The following GRIN3A variants were observed in gnomAD, a reference collection of about 807,000 sequenced individuals.
GRIN3A encodes glutamate ionotropic receptor NMDA type subunit 3A.
In GRIN3A, 47 loss-of-function variants were observed where a neutral mutation model predicts 92.4. The observed-to-expected ratio is 0.51, with a 90% confidence interval of 0.40 to 0.65. GRIN3A has a LOEUF of 0.65. GRIN3A is among the 30% of genes least tolerant of loss of function. The pLI, the probability that GRIN3A is intolerant of heterozygous loss-of-function variation, is 0.00. For missense variants in GRIN3A, 1,324 were observed against 1,393.1 expected (o/e 0.95, Z 0.79); for synonymous variants, 527 against 540.6 (o/e 0.97, Z 0.35).
intron 8 of GRIN3A, among the ~76,000 whole-genome samples, chr9:101,575,632 AATTTCTCCAAGC>A (rs1827815927): frequency 6.6e-6 from 1 of 152,218 alleles, no homozygotes; most frequent in Non-Finnish European, 1.5e-5. Flanking sequence ...CATGGCCCAA[AATTTCTCCAAGC>A]ATTTCCTCAA....
At chr9:101,583,003 T>G (rs950030356) in intron 6 of GRIN3A, among the ~76,000 whole-genome samples, 1 of 152,244 alleles carries the variant, frequency 6.6e-6, no homozygotes, top group Non-Finnish European at 1.5e-5. Flanking sequence ...AGTTATTGTT[T>G]TTAAATTTGG....
At chr9:101,575,462 A>C (rs7859863) in intron 8 of GRIN3A, among the ~76,000 whole-genome samples, 1 of 152,124 alleles carries the variant, frequency 6.6e-6, no homozygotes, top group Non-Finnish European at 1.5e-5. Context: ...AACAGGGGTG[A>C]CATGTATTGA....
chr9:101,610,085 T>G (rs185310401), intron 6 of GRIN3A, among the ~76,000 whole-genome samples: 14 of 152,376 alleles, frequency 9.2e-5, no homozygotes, highest in African/African-American at 3.4e-4. Flanking sequence ...ACCAAGTGAT[T>G]GTTATTTGGC....
At chr9:101,584,881 C>T (rs1383739669) in intron 6 of GRIN3A, among the ~76,000 whole-genome samples, 1 of 152,190 alleles carries the variant, frequency 6.6e-6, no homozygotes, top group African/African-American at 2.4e-5. Flanking sequence ...TCTCAAGTCT[C>T]CAGCAAGAAA....
At chr9:101,703,794 C>T (rs1394801495) in intron 1 of GRIN3A, among the ~76,000 whole-genome samples, 1 of 152,110 alleles carries the variant, frequency 6.6e-6, no homozygotes, top group Non-Finnish European at 1.5e-5. Flanking sequence ...ATTATCGTTA[C>T]TCTGGGGTTT....
chr9:101,625,922 T>C (rs1828629058), intron 4 of GRIN3A, among the ~76,000 whole-genome samples: 1 of 152,236 alleles, frequency 6.6e-6, no homozygotes, highest in African/African-American at 2.4e-5. Flanking sequence ...TTAAAACCAG[T>C]AATTCATGAA....
At chr9:101,622,321 C>G (rs1215841023) in intron 5 of GRIN3A, among the ~76,000 whole-genome samples, 1 of 152,202 alleles carries the variant, frequency 6.6e-6, no homozygotes, top group Non-Finnish European at 1.5e-5. Context: ...TTGGGCACCC[C>G]CACGGGATTG....
At chr9:101,682,553 G>T (rs1021651907) in intron 2 of GRIN3A, among the ~76,000 whole-genome samples, 10 of 152,170 alleles carry the variant, frequency 6.6e-5, no homozygotes, top group African/African-American at 2.2e-4. Flanking sequence ...CAGAATTCAA[G>T]TCTTCATTTT....
intron 2 of GRIN3A, among the ~76,000 whole-genome samples, chr9:101,675,667 G>GT (rs34531662): frequency 0.25 from 36,330 of 147,494 alleles, 4,627 homozygotes; most frequent in East Asian, 0.55. Flanking sequence ...CATAGGAGGG[G>GT]TTTTTTTTTT....
intron 1 of GRIN3A, among the ~76,000 whole-genome samples, chr9:101,736,987 G>C (rs1381337279): frequency 1.3e-5 from 2 of 151,946 alleles, no homozygotes; most frequent in Admixed American, 1.3e-4. Flanking sequence ...GCATCTACTA[G>C]ATTTCTCCCA....
chr9:101,636,239 C>T (rs935322510), intron 3 of GRIN3A, among the ~76,000 whole-genome samples: 3 of 152,294 alleles, frequency 2.0e-5, no homozygotes, highest in East Asian at 3.9e-4. Context: ...ATTCCACATC[C>T]TTTTCGTCCA....
chr9:101,593,416 C>T (rs1200142908), intron 6 of GRIN3A: 1 of 152,200 alleles, frequency 6.6e-6, no homozygotes, highest in East Asian at 1.9e-4. Flanking sequence ...CTAGCATCCA[C>T]CTCTGCTGTG....
chr9:101,730,494 A>C (rs143966395), intron 1 of GRIN3A, among the ~76,000 whole-genome samples: 5 of 152,256 alleles, frequency 3.3e-5, no homozygotes, highest in Admixed American at 3.3e-4. Flanking sequence ...TGACTTAATA[A>C]ATTGAAACAT....
chr9:101,580,245 C>T (rs1827871389), intron 6 of GRIN3A, among the ~76,000 whole-genome samples: 1 of 152,166 alleles, frequency 6.6e-6, no homozygotes, highest in Non-Finnish European at 1.5e-5. Flanking sequence ...TCCCATTCTG[C>T]AGGATGGCTG....
In GRIN3A at chr9:101,643,675, T is replaced by A. The variant is rs946683127; in HGVS notation, c.2353-15274A>T. ...AAATGTCTCTCTCTCTCTCTCTCTC[T>A]CTCTCTCTCACACACACACACCCAC... is the stretch of plus-strand genomic sequence containing the variant. On this transcript the variant is annotated intron_variant, in intron 3 of 8. Transcript: ENST00000361820. Among the ~76,000 whole-genome samples, 172 of 107,564 alleles carry A rather than the reference T, an allele frequency of 1.6e-3. 1 individual carries two copies. The highest frequency in any genetic ancestry group is 2.7e-3 in the African/African-American group (70 of 25,458). 70.6% of individuals were successfully genotyped at this position (107,564 alleles called of 152,430 possible).
At chr9:101,607,549 C>T (rs145679752) in intron 6 of GRIN3A, among the ~76,000 whole-genome samples, 14 of 152,210 alleles carry the variant, frequency 9.2e-5, no homozygotes, top group Admixed American at 2.0e-4. Flanking sequence ...CACTCCACCC[C>T]GTGAGCAGGG....
rs746990841 is a variant in GRIN3A, at chr9:101,577,822, G to A, written c.2954C>T (p.Thr985Ile). 2.5e-6 allele frequency: 4 copies of A among 1,611,702 alleles called. No homozygotes were observed. The highest frequency in any genetic ancestry group is 3.4e-6 in the Non-Finnish European group (4 of 1,178,634). The change falls in exon 8 of 9, where the codon ACA becomes ATA. Residue 985 changes from threonine (T) to isoleucine (I), a missense_variant. Transcript: ENST00000361820. Reference sequence around the variant, plus strand: ...CTGCTGCTTTTCCTCTATAAATGATGTATTTATTGCTCTGTGTAATCTCTG... The same window carrying A: ...CTGCTGCTTTTCCTCTATAAATGATATATTTATTGCTCTGTGTAATCTCTG... Reference protein sequence around the residue: ...TSQRLHRAINTSFIEEKQQHF... With the variant: ...TSQRLHRAINISFIEEKQQHF...
At chr9:101,695,408 G>T (rs1204496755) in intron 1 of GRIN3A, among the ~76,000 whole-genome samples, 1 of 152,154 alleles carries the variant, frequency 6.6e-6, no homozygotes, top group Non-Finnish European at 1.5e-5. Context: ...TAAGACAGTA[G>T]CAGACAAGAA....
chr9:101,731,982 A>G, intron 1 of GRIN3A, among the ~76,000 whole-genome samples: 1 of 152,222 alleles, frequency 6.6e-6, no homozygotes, highest in South Asian at 2.1e-4. Flanking sequence ...TGGATTTGGC[A>G]TCATATTTCT....
Sources: allele counts gnomAD v4.1 joint callset (sites outside exome capture counted in the v4.1 genomes callset), GRCh38; gene constraint gnomAD v4.1.1; transcripts MANE v1.5; gene names NCBI Gene and HGNC (gene_info 2026-07-23, HGNC 2026-07-21).